PTPRD: variants seen among roughly 807,000 people sequenced by gnomAD.
PTPRD encodes protein tyrosine phosphatase receptor type D, also known as receptor-type tyrosine-protein phosphatase delta.
A neutral mutation model predicts 214.5 loss-of-function variants in PTPRD; 34 were observed. The observed-to-expected ratio is 0.16, with a 90% CI of 0.12 to 0.21. PTPRD has a LOEUF of 0.21. Among genes scored for constraint, PTPRD ranks in the 10% least tolerant of loss-of-function variants. The pLI, the probability that PTPRD is intolerant of heterozygous loss-of-function variation, is 1.00. For missense variants in PTPRD, 2,545 were observed against 2,398.7 expected, an observed-to-expected ratio of 1.06 and a Z score of -1.27; for synonymous variants, 1,128 against 845.7, an observed-to-expected ratio of 1.33 and a Z score of -5.79.
At chr9:10,092,855 G>A (rs1041467452) in intron 3 of PTPRD, among the ~76,000 whole-genome samples, 7 of 151,492 alleles carry the variant, frequency 4.6e-5, no homozygotes, top group Non-Finnish European at 7.4e-5. Context: ...ATGGGAAAAA[G>A]ACTCCCTATT....
chr9:10,238,414 T>C (rs986339278), intron 3 of PTPRD, among the ~76,000 whole-genome samples: 2 of 151,946 alleles, frequency 1.3e-5, no homozygotes, highest in Non-Finnish European at 2.9e-5. Context: ...CAGAACAATA[T>C]GTAACATTTC....
At chr9:9,922,939 T>TTAGA (rs2082997444) in intron 5 of PTPRD, among the ~76,000 whole-genome samples, 2 of 135,010 alleles carry the variant, frequency 1.5e-5, no homozygotes, top group South Asian at 4.7e-4. Flanking sequence ...ATTGATGTAA[T>TTAGA]ATACTGCTAG....
At chr9:9,195,761 C>T (rs2099938221) in intron 9 of PTPRD, among the ~76,000 whole-genome samples, 1 of 148,488 alleles carries the variant, frequency 6.7e-6, no homozygotes, top group South Asian at 2.1e-4. Flanking sequence ...AGGAAGTATA[C>T]ATAGGCTGTA....
At chr9:9,093,102 T>C (rs2099778586) in intron 10 of PTPRD, among the ~76,000 whole-genome samples, 1 of 152,036 alleles carries the variant, frequency 6.6e-6, no homozygotes, top group African/African-American at 2.4e-5. Flanking sequence ...CATTGCATAG[T>C]GATAAATGGG....
At chr9:9,888,618 G>A (rs1407116303) in intron 5 of PTPRD, among the ~76,000 whole-genome samples, 5 of 152,022 alleles carry the variant, frequency 3.3e-5, no homozygotes, top group Admixed American at 6.6e-5. Flanking sequence ...CTTCCTTCCT[G>A]TCACAATGTG....
chr9:10,006,058 T>C (rs764934707), intron 4 of PTPRD, among the ~76,000 whole-genome samples: 2 of 152,034 alleles, frequency 1.3e-5, no homozygotes, highest in Non-Finnish European at 2.9e-5. Context: ...GATGGTATTA[T>C]ACAAAAAATG....
chr9:10,421,722 T>C (rs945546013), intron 2 of PTPRD, among the ~76,000 whole-genome samples: 1 of 151,926 alleles, frequency 6.6e-6, no homozygotes, highest in African/African-American at 2.4e-5. Flanking sequence ...TAACCGTCTC[T>C]TTCATAGAAA....
chr9:8,639,227 T>C (rs1227588414), intron 12 of PTPRD, among the ~76,000 whole-genome samples: 1 of 152,204 alleles, frequency 6.6e-6, no homozygotes, highest in Non-Finnish European at 1.5e-5. Context: ...ATGAAAAATA[T>C]ATTACAAGTT....
At chr9:10,363,988 C>T (rs1160626970) in intron 2 of PTPRD, among the ~76,000 whole-genome samples, 6 of 32,868 alleles carry the variant, frequency 1.8e-4, no homozygotes, top group Middle Eastern at 0.02. Flanking sequence ...TCCACATTTT[C>T]GGGTTTTTTT....
At chr9:9,131,534 C>T (rs2099842594) in intron 10 of PTPRD, among the ~76,000 whole-genome samples, 2 of 152,076 alleles carry the variant, frequency 1.3e-5, no homozygotes, top group Admixed American at 6.6e-5. Flanking sequence ...ATTCTATTTG[C>T]CATAATATAT....
At chr9:9,072,955 C>G (rs1295638602) in intron 10 of PTPRD, among the ~76,000 whole-genome samples, 1 of 152,008 alleles carries the variant, frequency 6.6e-6, no homozygotes, top group Non-Finnish European at 1.5e-5. Context: ...GAACAGATCT[C>G]TACTGACAGC....
intron 3 of PTPRD, among the ~76,000 whole-genome samples, chr9:10,067,219 G>C (rs1342910122): frequency 6.6e-6 from 1 of 151,872 alleles, no homozygotes; most frequent in East Asian, 1.9e-4. Context: ...CTTTGGAGGA[G>C]AGCAGTACCA....
intron 11 of PTPRD, among the ~76,000 whole-genome samples, chr9:8,988,455 G>A (rs568685368): frequency 1.3e-5 from 2 of 152,004 alleles, no homozygotes; most frequent in East Asian, 1.9e-4. Flanking sequence ...AGCTATGGAT[G>A]GTATCTTTGA....
intron 9 of PTPRD, among the ~76,000 whole-genome samples, chr9:9,353,551 C>A (rs2138405063): frequency 6.6e-6 from 1 of 151,398 alleles, no homozygotes; most frequent in South Asian, 2.1e-4. Context: ...TTTAATTTTG[C>A]CTTAATTTCT....
At chr9:9,702,681 G>A (rs542446133) in intron 7 of PTPRD, among the ~76,000 whole-genome samples, 3 of 152,262 alleles carry the variant, frequency 2.0e-5, no homozygotes, top group South Asian at 2.1e-4. Flanking sequence ...GCTTATGGAG[G>A]AAAAGTGGAG....
intron 10 of PTPRD, among the ~76,000 whole-genome samples, chr9:9,131,206 C>T (rs914037046): frequency 1.2e-4 from 19 of 152,168 alleles, no homozygotes; most frequent in African/African-American, 3.9e-4. Context: ...ATTGTCTCTG[C>T]TCTACTTACA....
intron 8 of PTPRD, among the ~76,000 whole-genome samples, chr9:9,568,928 A>G (rs889325124): frequency 6.6e-6 from 1 of 151,796 alleles, no homozygotes; most frequent in Non-Finnish European, 1.5e-5. Flanking sequence ...TAGTACATAC[A>G]GATGCTTAGT....
At chr9:9,869,117 T>G (rs952990973) in intron 5 of PTPRD, among the ~76,000 whole-genome samples, 1 of 152,080 alleles carries the variant, frequency 6.6e-6, no homozygotes, top group South Asian at 2.1e-4. Context: ...AAATTCACCA[T>G]TGGAGGTAAA....
At position 8,521,365 on chromosome 9, in the gene PTPRD, C is replaced by T. The variant is rs2138870397; in HGVS notation, c.873G>A (p.Leu291=). The stretch of plus-strand genomic sequence containing the variant: ...AATTTGCTGACTGTCTTACATCATT[C>T]AGTTCTAGCACATTTCTTCCTATTG... ...DMPIGRNVLE[L]NDVRQSANYT... The change falls in exon 20 of 46, where the codon CTG becomes CTA. Residue 291 remains leucine, a synonymous_variant. Transcript: ENST00000381196. 1 of 1,613,964 alleles carries T rather than the reference C, an allele frequency of 6.2e-7. No individual in the cohort carries two copies. Among genetic ancestry groups the T allele is most frequent in the Non-Finnish European group, 8.5e-7 (1 of 1,179,908 alleles).
Sources: gnomAD v4.1 joint callset for allele counts (sites outside exome capture counted in the v4.1 genomes callset) on GRCh38, gnomAD v4.1.1 for gene constraint, MANE v1.5 for transcripts, NCBI Gene and HGNC (gene_info 2026-07-23, HGNC 2026-07-21) for gene names.